SMYD3: variants seen among roughly 807,000 people sequenced by gnomAD.
The protein encoded by SMYD3 is SET and MYND domain containing 3, also known as histone-lysine N-methyltransferase SMYD3.
In SMYD3, 36 loss-of-function variants were observed where a neutral mutation model predicts 57.7. The observed-to-expected ratio is 0.62, with a 90% confidence interval of 0.48 to 0.82. The LOEUF is 0.82. Ranked by LOEUF, SMYD3 falls within the 40% of genes least tolerant of loss-of-function variation. The pLI is 0.00. For synonymous variants in SMYD3, 211 were observed against 195.0 expected (o/e 1.08, Z -0.68); for missense variants, 515 against 538.8 (o/e 0.96, Z 0.44).
At chr1:246,366,750 G>A (rs2066109377) in intron 1 of SMYD3, among the ~76,000 whole-genome samples, 1 of 151,688 alleles carries the variant, frequency 6.6e-6, no homozygotes, top group African/African-American at 2.4e-5. Flanking sequence ...CCTGACCATG[G>A]TGAAACCCTG....
intron 2 of SMYD3, among the ~76,000 whole-genome samples, chr1:246,348,401 G>A (rs1043269878): frequency 6.6e-6 from 1 of 151,952 alleles, no homozygotes; most frequent in African/African-American, 2.4e-5. Flanking sequence ...GGGTGCCAGA[G>A]CAAGACTCTG....
chr1:246,405,340 T>C (rs2066843843), intron 1 of SMYD3, among the ~76,000 whole-genome samples: 1 of 152,194 alleles, frequency 6.6e-6, no homozygotes, highest in Non-Finnish European at 1.5e-5. Context: ...ACATTTATCA[T>C]TTATTTGTGT....
intron 5 of SMYD3, among the ~76,000 whole-genome samples, chr1:245,976,069 T>C (rs368252044): frequency 0.011 from 74 of 6,488 alleles, no homozygotes; most frequent in Non-Finnish European, 0.029. Flanking sequence ...GTCTCTAGCC[T>C]AGGGAAAGCC....
intron 1 of SMYD3, among the ~76,000 whole-genome samples, chr1:246,413,623 C>A (rs947715146): frequency 2.6e-5 from 4 of 151,934 alleles, no homozygotes; most frequent in African/African-American, 7.3e-5. Context: ...TGATAAGATA[C>A]GCTCATTTCA....
chr1:245,880,615 C>A lies in SMYD3; in HGVS notation c.814-16729G>T, dbSNP rs370216472. 4.1e-3 allele frequency among the ~76,000 whole-genome samples: 620 copies of A among 152,300 alleles called. 2 individuals are homozygous for A. The highest frequency in any genetic ancestry group is 7.1e-3 in the Non-Finnish European group (480 of 68,014). On this transcript the variant is annotated intron_variant, in intron 8 of 11. Coordinates refer to ENST00000490107, the MANE Select transcript of SMYD3 (RefSeq NM_001167740.2). ...AAACCAGTCCAATCCTTATAGAAGACAAGACTGCAGCTGAGAAAGACAGGT... is the reference window on the plus strand; with the variant it reads ...AAACCAGTCCAATCCTTATAGAAGAAAAGACTGCAGCTGAGAAAGACAGGT...
chr1:245,770,432 T>C (rs566516009), intron 10 of SMYD3, among the ~76,000 whole-genome samples: 1 of 152,320 alleles, frequency 6.6e-6, no homozygotes, highest in East Asian at 1.9e-4. Context: ...CTAGGTATAG[T>C]AAATTAGAAA....
intron 5 of SMYD3, among the ~76,000 whole-genome samples, chr1:246,268,454 C>CT (rs946132193): frequency 8.5e-5 from 13 of 152,144 alleles, no homozygotes; most frequent in Non-Finnish European, 1.9e-4. Context: ...AAACCCAGCA[C>CT]TTTGGGAGGC....
chr1:246,345,623 G>T (rs2065701963), intron 2 of SMYD3, among the ~76,000 whole-genome samples: 1 of 151,976 alleles, frequency 6.6e-6, no homozygotes, highest in African/African-American at 2.4e-5. Context: ...TTTTGATTTG[G>T]GATGCTCAAC....
Position 246,101,084 on chromosome 1 carries a change from T to G in SMYD3, c.532-171147A>C, listed in dbSNP as rs1042670932. 2.1e-4 allele frequency among the ~76,000 whole-genome samples: 29 copies of G among 137,408 alleles called. 1 individual carries two copies. Among genetic ancestry groups the G allele is most frequent in the Admixed American group, 5.6e-4 (8 of 14,176 alleles). The allele number at this position is 137,408 out of a possible 152,430, so 90.1% of individuals were successfully genotyped here. On this transcript the variant is annotated intron_variant, in intron 5 of 11. Transcript: ENST00000490107. ...TAGGGGTTTTTTGTTTTTTTTTTTT[T>G]TTTTTTTTTTTTTTTTACAGAGTAA...
chr1:246,380,889 T>C lies in SMYD3; in HGVS notation c.165-25795A>G, dbSNP rs533222506. 7.7e-4 allele frequency among the ~76,000 whole-genome samples: 117 copies of C among 152,038 alleles called. 1 individual carries two copies. Among genetic ancestry groups the C allele is most frequent in the African/African-American group, 2.7e-3 (112 of 41,444 alleles). ...CCTAGGCTATGGCCATGGGAAGAGG[T>C]AGCTAGGGTAAGGTAAAGGCAAAGA... On this transcript the variant is annotated intron_variant, in intron 1 of 11. Coordinates refer to ENST00000490107, the MANE Select transcript of SMYD3 (RefSeq NM_001167740.2).
intron 8 of SMYD3, among the ~76,000 whole-genome samples, chr1:245,879,942 G>T (rs1432697520): frequency 1.3e-5 from 2 of 151,346 alleles, no homozygotes; most frequent in African/African-American, 4.9e-5. Context: ...GATAGCACAG[G>T]TGCGTTGCTG....
chr1:245,919,989 C>G lies in SMYD3; in HGVS notation c.703-4349G>C, dbSNP rs531382434. On this transcript the variant is annotated intron_variant, in intron 7 of 11. Coordinates refer to ENST00000490107, the MANE Select transcript of SMYD3 (RefSeq NM_001167740.2). ...ATGAACTCCTTTTCCATGAAACCAT[C>G]TTTTCATTGTCTACAACTGAGTGGA... is the stretch of plus-strand genomic sequence containing the variant. Among the ~76,000 whole-genome samples, 14 of 152,308 alleles carry G rather than the reference C, an allele frequency of 9.2e-5. No individual in the cohort carries two copies. In the South Asian group the frequency reaches 2.9e-3, roughly 32 times the overall value.
chr1:246,407,440 C>T (rs946245532), intron 1 of SMYD3, among the ~76,000 whole-genome samples: 1 of 152,218 alleles, frequency 6.6e-6, no homozygotes, highest in Non-Finnish European at 1.5e-5. Context: ...AGTAAGGCTG[C>T]GCCATGACCG....
Position 246,355,296 on chromosome 1 carries a change from C to A in SMYD3, c.165-202G>T. 1 of 548,222 alleles carries A rather than the reference C, an allele frequency of 1.8e-6. No homozygotes were observed. The allele number at this position is 548,222 out of a possible 1,614,324, so 34.0% of individuals were successfully genotyped here. On this transcript the variant is annotated intron_variant, in intron 1 of 11. Transcript: ENST00000490107. This position sits in a 1 kb window ranked among gnomAD's most constrained non-coding sequence, Gnocchi z 5.0. ...TGAGACACTGATAGAAAAACTAAGT[C>A]CTTTTGTCTGACAGAAGATGGCGGG...
At position 245,882,488 on chromosome 1, in the gene SMYD3, G is replaced by A. The variant is rs142662774; in HGVS notation, c.814-18602C>T. Reference sequence around the variant, plus strand: ...AATCAATTTATAATTTTGGGTAATAGTTCTAAATCTATTTTCAATCATGTG... The same window carrying A: ...AATCAATTTATAATTTTGGGTAATAATTCTAAATCTATTTTCAATCATGTG... On this transcript the variant is annotated intron_variant, in intron 8 of 11. Transcript: ENST00000490107. 3.0e-3 allele frequency among the ~76,000 whole-genome samples: 455 copies of A among 152,278 alleles called. 7 individuals are homozygous for A. Among genetic ancestry groups the A allele is most frequent in the African/African-American group, 0.01 (427 of 41,544 alleles).
At chr1:246,307,472 T>C (rs1279078433) in intron 5 of SMYD3, among the ~76,000 whole-genome samples, 32 of 138,384 alleles carry the variant, frequency 2.3e-4, no homozygotes, top group South Asian at 1.8e-3. Flanking sequence ...CAGGCTGGAG[T>C]GCAGTGGCGT....
intron 10 of SMYD3, among the ~76,000 whole-genome samples, chr1:245,766,383 A>G (rs2046100365): frequency 6.9e-6 from 1 of 145,120 alleles, no homozygotes; most frequent in African/African-American, 2.6e-5. Flanking sequence ...CTGGGCAACA[A>G]GAGCGAGACT....
intron 5 of SMYD3, among the ~76,000 whole-genome samples, chr1:246,224,180 A>C (rs1201905530): frequency 6.6e-6 from 1 of 152,130 alleles, no homozygotes; most frequent in Non-Finnish European, 1.5e-5. Context: ...AAGTGAACAA[A>C]AATACTTCAG....
intron 8 of SMYD3, among the ~76,000 whole-genome samples, chr1:245,872,045 C>T (rs1167116660): frequency 6.6e-6 from 1 of 152,192 alleles, no homozygotes; most frequent in African/African-American, 2.4e-5. Flanking sequence ...ACAAACCACA[C>T]CAAACAGCCT....
Sources: gnomAD v4.1 joint callset for allele counts (sites outside exome capture counted in the v4.1 genomes callset) on GRCh38, gnomAD v4.1.1 for gene constraint, Gnocchi (gnomAD v3.1) non-coding constraint, MANE v1.5 for transcripts, NCBI Gene and HGNC (gene_info 2026-07-23, HGNC 2026-07-21) for gene names.